The following NR6A1 variants were observed in gnomAD, a reference collection of about 807,000 sequenced individuals.
NR6A1 encodes retinoic acid receptor-related testis-associated receptor.
In NR6A1, 7 loss-of-function variants were observed where a neutral mutation model predicts 59.1. The ratio of observed to expected loss-of-function variants is 0.12; its 90% CI spans 0.07 to 0.22. The LOEUF (loss-of-function observed/expected upper bound fraction) is 0.22. NR6A1 is among the 10% of genes least tolerant of loss of function. NR6A1 has a pLI of 1.00. For missense variants in NR6A1, 468 were observed against 611.6 expected (o/e 0.77, Z 2.48); for synonymous variants, 243 against 236.1 (o/e 1.03, Z -0.27).
intron 2 of NR6A1, among the ~76,000 whole-genome samples, chr9:124,666,498 C>T (rs898112991): frequency 2.6e-5 from 4 of 152,082 alleles, no homozygotes; most frequent in African/African-American, 4.8e-5. Flanking sequence ...AGGCTAGTCT[C>T]GAACGCCTGG....
intron 3 of NR6A1, among the ~76,000 whole-genome samples, chr9:124,551,756 C>T (rs767781416): frequency 3.3e-5 from 5 of 152,214 alleles, no homozygotes; most frequent in Non-Finnish European, 7.3e-5. Context: ...CAAATTTTCA[C>T]ATATAGTAAC....
intron 1 of NR6A1, among the ~76,000 whole-genome samples, chr9:124,769,193 T>C (rs1052999339): frequency 1.3e-5 from 2 of 151,778 alleles, no homozygotes; most frequent in Non-Finnish European, 2.9e-5. Flanking sequence ...CAGAAATTAG[T>C]TGCCAACGAC....
At chr9:124,546,684 G>A (rs1833611999) in intron 3 of NR6A1, among the ~76,000 whole-genome samples, 1 of 152,154 alleles carries the variant, frequency 6.6e-6, no homozygotes, top group Non-Finnish European at 1.5e-5. Flanking sequence ...AATATAAACA[G>A]CAGTACCCAT....
chr9:124,540,334 C>A (rs1833407967), intron 4 of NR6A1, 147 bp from the exon 5 acceptor site: 1 of 856,342 alleles, frequency 1.2e-6, no homozygotes, highest in African/African-American at 1.7e-5. Context: ...TCTCACTAAT[C>A]TTAGGACGGC....
At chr9:124,754,226 A>G (rs1023795306) in intron 1 of NR6A1, among the ~76,000 whole-genome samples, 3 of 152,220 alleles carry the variant, frequency 2.0e-5, no homozygotes, top group African/African-American at 7.2e-5. Flanking sequence ...CACCATTGTG[A>G]GTAATAGGCA....
At chr9:124,650,150 C>T (rs573936193) in intron 2 of NR6A1, among the ~76,000 whole-genome samples, 2 of 152,252 alleles carry the variant, frequency 1.3e-5, no homozygotes, top group East Asian at 3.9e-4. Flanking sequence ...ATGTTTATTG[C>T]ACCACTATTC....
intron 1 of NR6A1, among the ~76,000 whole-genome samples, chr9:124,756,910 G>C (rs1172774118): frequency 1.3e-5 from 2 of 151,888 alleles, no homozygotes; most frequent in African/African-American, 4.8e-5. Flanking sequence ...AGCCTCAGAA[G>C]GGTCCTTAAG....
At chr9:124,533,615 C>CT (rs995184629) in intron 7 of NR6A1, among the ~76,000 whole-genome samples, 2 of 151,568 alleles carry the variant, frequency 1.3e-5, no homozygotes, top group Non-Finnish European at 2.9e-5. Context: ...AGTGTAAGGG[C>CT]TGCTACTTTC....
At chr9:124,533,255 CTATGGAGCAGAGT>C (rs1316569664) in intron 7 of NR6A1, among the ~76,000 whole-genome samples, 1 of 152,182 alleles carries the variant, frequency 6.6e-6, no homozygotes, top group Non-Finnish European at 1.5e-5. Context: ...CCAAACACCC[CTATGGAGCAGAGT>C]TATGGAGCAG....
chr9:124,583,930 A>T (rs779432673), intron 2 of NR6A1, among the ~76,000 whole-genome samples: 9 of 152,086 alleles, frequency 5.9e-5, no homozygotes, highest in Non-Finnish European at 8.8e-5. Context: ...TTATGTGAGG[A>T]TCTATTTCCC....
intron 1 of NR6A1, among the ~76,000 whole-genome samples, chr9:124,739,295 G>A (rs1050720818): frequency 1.3e-5 from 2 of 152,118 alleles, no homozygotes; most frequent in East Asian, 1.9e-4. Context: ...CCATGTCTTG[G>A]AATGAGGATA....
At chr9:124,626,664 G>T (rs565677917) in intron 2 of NR6A1, among the ~76,000 whole-genome samples, 43 of 152,218 alleles carry the variant, frequency 2.8e-4, no homozygotes, top group African/African-American at 1.0e-3. Flanking sequence ...GGCGGGGCGT[G>T]GTGGCTCACG....
At position 124,561,764 on chromosome 9, in the gene NR6A1, C is replaced by T. The variant is rs542243665; in HGVS notation, c.143-7194G>A. Among the ~76,000 whole-genome samples, 91 of 151,952 alleles carry T rather than the reference C, an allele frequency of 6.0e-4. 1 individual carries two copies. In the South Asian group the frequency reaches 0.018, roughly 30 times the overall value. ...CTGTCTCTACTAAAAATACAAAAAT[C>T]AGCCAGGCATGGTGGTATGCGCCTG... On this transcript the variant is annotated intron_variant, in intron 2 of 9. Coordinates refer to ENST00000487099, the MANE Select transcript of NR6A1 (RefSeq NM_033334.4).
At chr9:124,538,905 T>A (rs1833362098) in intron 5 of NR6A1, among the ~76,000 whole-genome samples, 4 of 141,832 alleles carry the variant, frequency 2.8e-5, no homozygotes, top group Non-Finnish European at 3.1e-5. Flanking sequence ...GTCAACTAAT[T>A]AAAAAAAAAA....
At chr9:124,553,566 T>TC (rs1406598521) in intron 3 of NR6A1, among the ~76,000 whole-genome samples, 2 of 148,252 alleles carry the variant, frequency 1.3e-5, no homozygotes, top group Non-Finnish European at 3.0e-5. Flanking sequence ...TTTTTTTTTT[T>TC]TTTTTTTTCG....
At chr9:124,710,285 T>C (rs1839238721) in intron 2 of NR6A1, among the ~76,000 whole-genome samples, 1 of 152,180 alleles carries the variant, frequency 6.6e-6, no homozygotes, top group Non-Finnish European at 1.5e-5. Context: ...AAAAAAATCA[T>C]TTGGTTATTA....
chr9:124,587,708 T>G (rs1433725563), intron 2 of NR6A1, among the ~76,000 whole-genome samples: 1 of 152,236 alleles, frequency 6.6e-6, no homozygotes, highest in African/African-American at 2.4e-5. Flanking sequence ...CATGTAACAA[T>G]GTTCAGAGAA....
intron 2 of NR6A1, among the ~76,000 whole-genome samples, chr9:124,640,260 A>G (rs981752216): frequency 6.6e-6 from 1 of 152,190 alleles, no homozygotes; most frequent in Non-Finnish European, 1.5e-5. Flanking sequence ...TCTGCTACCT[A>G]TTACTCAGGA....
At chr9:124,560,993 G>A (rs1308607905) in intron 2 of NR6A1, among the ~76,000 whole-genome samples, 1 of 152,288 alleles carries the variant, frequency 6.6e-6, no homozygotes, top group South Asian at 2.1e-4. Context: ...GGCAAGGTAA[G>A]CCTCAACTTG....
Sources: gnomAD v4.1 joint callset for allele counts (sites outside exome capture counted in the v4.1 genomes callset) on GRCh38, gnomAD v4.1.1 for gene constraint, MANE v1.5 for transcripts, NCBI Gene and HGNC (gene_info 2026-07-23, HGNC 2026-07-21) for gene names.